Variants in BUD13 observed in about 807,000 individuals in gnomAD.
BUD13 encodes BUD13 spliceosome associated protein, also known as BUD13 homolog.
A neutral mutation model predicts 62.5 loss-of-function variants in BUD13; 47 were observed. That is an observed-to-expected ratio of 0.75 (90% CI 0.60 to 0.96). BUD13 has a LOEUF of 0.96. Among genes scored for constraint, BUD13 ranks in the 40% least tolerant of loss-of-function variants. The pLI is 0.00. For missense variants in BUD13, 821 were observed against 790.9 expected (o/e 1.04, Z -0.46); for synonymous variants, 293 against 280.1 (o/e 1.05, Z -0.46).
intron 9 of BUD13, 61 bp from the exon 10 acceptor site, chr11:116,748,636 G>T: frequency 6.8e-7 from 1 of 1,480,012 alleles, no homozygotes; most frequent in Non-Finnish European, 9.4e-7. Context: ...TGTTTCAAAA[G>T]AAAGGGAAGA....
intron 2 of BUD13, among the ~76,000 whole-genome samples, chr11:116,766,269 C>T (rs150922373): frequency 9.2e-5 from 14 of 152,288 alleles, no homozygotes; most frequent in Non-Finnish European, 1.8e-4. Flanking sequence ...TTGTGGTTTA[C>T]TCATATAATC....
intron 2 of BUD13, among the ~76,000 whole-genome samples, chr11:116,766,428 T>C (rs144906287): frequency 8.5e-5 from 13 of 152,352 alleles, no homozygotes; most frequent in African/African-American, 3.1e-4. Flanking sequence ...AGCCCTCTAC[T>C]TCTCCCAAAA....
chr11:116,762,139 AG>A (rs1384754171), intron 4 of BUD13, among the ~76,000 whole-genome samples: 1 of 152,242 alleles, frequency 6.6e-6, no homozygotes, highest in East Asian at 1.9e-4. Context: ...ACGTTAAGAA[AG>A]GACAGCAGGC....
chr11:116,763,226 G>A lies in BUD13; in HGVS notation c.363C>T (p.His121=), dbSNP rs183754786. ...TCCTAGGAGATGAATCCGGGGTATCGTGACGAAAATGTCTGTTTGAGGGTA... is the reference window on the plus strand; with the variant it reads ...TCCTAGGAGATGAATCCGGGGTATCATGACGAAAATGTCTGTTTGAGGGTA... ...EDLPSNRHFR[H]DTPDSSPRRV... Residue 121 remains histidine (H), a synonymous_variant, in exon 4 of 10, where the codon CAC becomes CAT. Coordinates refer to ENST00000260210, the MANE Select transcript of BUD13 (RefSeq NM_032725.4). 1.5e-5 allele frequency: 23 copies of A among 1,552,774 alleles called. No individual in the cohort carries two copies. Among genetic ancestry groups the A allele is most frequent in the African/African-American group, 9.6e-5 (7 of 72,880 alleles).
chr11:116,766,874 C>A (rs776172601), intron 2 of BUD13, among the ~76,000 whole-genome samples: 10 of 152,138 alleles, frequency 6.6e-5, no homozygotes, highest in Admixed American at 1.3e-4. Context: ...TTTGGGCCAT[C>A]ATAAAAGCAA....
intron 5 of BUD13, among the ~76,000 whole-genome samples, chr11:116,759,607 G>A (rs1230183198): frequency 6.6e-6 from 1 of 152,118 alleles, no homozygotes; most frequent in Non-Finnish European, 1.5e-5. Flanking sequence ...GGTAATAACA[G>A]AAGATCTAAC....
chr11:116,772,676 T>G, intron 1 of BUD13, 146 bp downstream of exon 1: 3 of 1,151,050 alleles, frequency 2.6e-6, no homozygotes, highest in South Asian at 1.8e-5. Context: ...CCTCAAGCGA[T>G]GTGAGTGGGG....
intron 1 of BUD13, among the ~76,000 whole-genome samples, chr11:116,771,594 G>C (rs1475813258): frequency 6.6e-6 from 1 of 152,052 alleles, no homozygotes; most frequent in Non-Finnish European, 1.5e-5. Flanking sequence ...CTTGCCCAAG[G>C]GTACACAGCC....
chr11:116,770,497 CTTTT>C (rs750220858), intron 1 of BUD13, among the ~76,000 whole-genome samples: 1 of 142,284 alleles, frequency 7.0e-6, no homozygotes, highest in Non-Finnish European at 1.5e-5. Flanking sequence ...CAATCTTTTT[CTTTT>C]TTTTTTTTTT....
rs372263260 is a variant in BUD13, at chr11:116,772,814, C to G, written c.143+8G>C. ...TCGCAGGCCCCGCCCCGGCCGGTACCAACTCACCCCTTGCCGCCGGCCCCG... is the reference window on the plus strand; with the variant it reads ...TCGCAGGCCCCGCCCCGGCCGGTACGAACTCACCCCTTGCCGCCGGCCCCG... On this transcript the variant is annotated splice_region_variant and intron_variant, in intron 1 of 9. Coordinates refer to ENST00000260210, the MANE Select transcript of BUD13 (RefSeq NM_032725.4). The G allele has an allele frequency of 1.1e-5, 17 of 1,570,192 alleles. No individual in the cohort carries two copies. The highest frequency in any genetic ancestry group is 1.5e-5 in the Non-Finnish European group (17 of 1,162,516).
In BUD13 at chr11:116,760,945, G is replaced by A; in HGVS notation, c.1044C>T (p.Cys348=). Residue 348 remains cysteine (C), a synonymous_variant, in exon 5 of 10, where the codon TGC becomes TGT. Coordinates refer to ENST00000260210, the MANE Select transcript of BUD13 (RefSeq NM_032725.4). ...DKKQLDSKGD[C]QKATDSDLSS... ...AAAGGTCTGAATCAGTTGCTTTCTG[G>A]CAGTCACCTGGATAGGAGCAAAGAA... 1 of 1,613,982 alleles carries A rather than the reference G, an allele frequency of 6.2e-7. No homozygotes were observed. Among genetic ancestry groups the A allele is most frequent in the Non-Finnish European group, 8.5e-7 (1 of 1,179,920 alleles).
At position 116,757,239 on chromosome 11, in the gene BUD13, A is replaced by T; in HGVS notation, c.1685-12T>A. The stretch of plus-strand genomic sequence containing the variant: ...GTAGCGAGGTCTCACTAATGAGAGG[A>T]GTAAGAAAAAAGTATTCAGTTAATG... On this transcript the variant is annotated splice_polypyrimidine_tract_variant and intron_variant, in intron 8 of 9. Coordinates refer to ENST00000260210, the MANE Select transcript of BUD13 (RefSeq NM_032725.4). The T allele has an allele frequency of 6.2e-7, 1 of 1,608,214 alleles. No homozygotes were observed. The highest frequency in any genetic ancestry group is 8.5e-7 in the Non-Finnish European group (1 of 1,174,864).
Position 116,772,810 on chromosome 11 carries a change from G to T in BUD13, c.143+12C>A. On this transcript the variant is annotated intron_variant, in intron 1 of 9. Coordinates refer to ENST00000260210, the MANE Select transcript of BUD13 (RefSeq NM_032725.4). Reference sequence around the variant, plus strand: ...GACGTCGCAGGCCCCGCCCCGGCCGGTACCAACTCACCCCTTGCCGCCGGC... The same window carrying T: ...GACGTCGCAGGCCCCGCCCCGGCCGTTACCAACTCACCCCTTGCCGCCGGC... 1 of 1,563,192 alleles carries T rather than the reference G, an allele frequency of 6.4e-7. No individual in the cohort carries two copies.
intron 3 of BUD13, among the ~76,000 whole-genome samples, chr11:116,763,573 CT>C (rs1940478125): frequency 6.6e-6 from 1 of 152,130 alleles, no homozygotes. Context: ...GCCACAGCCT[CT>C]GTTTTCAGCT....
At chr11:116,752,652 C>T (rs1294008382) in intron 9 of BUD13, among the ~76,000 whole-genome samples, 5 of 152,084 alleles carry the variant, frequency 3.3e-5, no homozygotes, top group Non-Finnish European at 5.9e-5. Context: ...CTGAAAAATC[C>T]TCCTTCTACC....
intron 6 of BUD13, 29 bp downstream of exon 6, chr11:116,759,037 TGAGCCTAA>T (rs746534617): frequency 6.9e-7 from 1 of 1,446,618 alleles, no homozygotes; most frequent in Non-Finnish European, 9.6e-7. Flanking sequence ...AAAAACAGTA[TGAGCCTAA>T]ATTGGTCTCT....
chr11:116,765,362 C>T lies in BUD13; in HGVS notation c.322G>A (p.Gly108Ser). 2 of 1,614,032 alleles carry T rather than the reference C, an allele frequency of 1.2e-6. No homozygotes were observed. The highest frequency in any genetic ancestry group is 1.7e-6 in the Non-Finnish European group (2 of 1,179,936). The change falls in exon 3 of 10, where the codon GGC becomes AGC. Residue 108 changes from glycine (G) to serine (S), a missense_variant and splice_region_variant. Physicochemically the swap from Gly to Ser is moderately conservative, Grantham distance 56. This residue lies in a region of BUD13 where 800 missense variants were observed against 739.2 expected (regional missense o/e 1.08). Coordinates refer to ENST00000260210, the MANE Select transcript of BUD13 (RefSeq NM_032725.4). The stretch of plus-strand genomic sequence containing the variant: ...AGATTTATCTATTGTTGGAACTCAC[C>T]TCCCAGAAGCTTCCATTTGGCACTG... ...RSSAKWKLLG[G>S]HNEDLPSNRH...
chr11:116,754,395 T>G (rs1227353572), intron 9 of BUD13, among the ~76,000 whole-genome samples: 5 of 152,098 alleles, frequency 3.3e-5, no homozygotes, highest in Non-Finnish European at 7.4e-5. Flanking sequence ...CTGACCAAAA[T>G]GGAATTAAAT....
At chr11:116,758,798 G>A (rs1170961462) in intron 6 of BUD13, among the ~76,000 whole-genome samples, 2 of 151,552 alleles carry the variant, frequency 1.3e-5, no homozygotes, top group East Asian at 3.9e-4. Flanking sequence ...CATCATGTTA[G>A]CCAGGCTGGT....
Sources: allele counts gnomAD v4.1 joint callset (sites outside exome capture counted in the v4.1 genomes callset), GRCh38; gene constraint gnomAD v4.1.1; regional missense constraint gnomAD v4.1.1; transcripts MANE v1.5; gene names NCBI Gene and HGNC (gene_info 2026-07-23, HGNC 2026-07-21).